ZNF34: variants seen among roughly 807,000 people sequenced by gnomAD.
ZNF34 encodes zinc finger protein 34 (KOX 32).
A neutral mutation model predicts 14.4 loss-of-function variants in ZNF34; 8 were observed. That is an observed-to-expected ratio of 0.55 (90% confidence interval 0.33 to 1.00). The LOEUF is 1.00. ZNF34 is among the 50% of genes least tolerant of loss of function. ZNF34 has a pLI of 0.03. For missense variants in ZNF34, 538 were observed against 674.2 expected, an observed-to-expected ratio of 0.80 and a Z score of 2.24; for synonymous variants, 235 against 247.9, an observed-to-expected ratio of 0.95 and a Z score of 0.49.
At chr8:144,775,139 G>A (rs1186891839) in intron 5 of ZNF34, among the ~76,000 whole-genome samples, 2 of 152,252 alleles carry the variant, frequency 1.3e-5, no homozygotes, top group East Asian at 1.9e-4. Context: ...CCTCATGACT[G>A]CCACTTTCAT....
Position 144,777,088 on chromosome 8 carries a change from ATAGCTCCATCAT to A in ZNF34, c.280+358_280+369del, listed in dbSNP as rs1825570348. ...ATTTAGAAGAGAGGGGAATTAAATG[ATAGCTCCATCAT>A]TAGGCCCTCATTATCTGGCATCAGC... On this transcript the variant is annotated intron_variant, in intron 5 of 5. Transcript: ENST00000429371. The surrounding 1 kb of genome is among the most constrained non-coding windows in gnomAD (Gnocchi z 4.8). 1.3e-5 allele frequency among the ~76,000 whole-genome samples: 2 copies of A among 151,922 alleles called. No individual in the cohort carries two copies. The highest frequency in any genetic ancestry group is 4.2e-4 in the South Asian group (2 of 4,800).
At position 144,773,680 on chromosome 8, in the gene ZNF34, T is replaced by C; in HGVS notation, c.1206A>G (p.Glu402=). 6.2e-7 allele frequency: 1 copy of C among 1,613,980 alleles called. No homozygotes were observed. Among genetic ancestry groups the C allele is most frequent in the Non-Finnish European group, 8.5e-7 (1 of 1,179,944 alleles). Residue 402 remains glutamate, a synonymous_variant, in exon 6 of 6, where the codon GAA becomes GAG. Transcript: ENST00000429371. The surrounding 1 kb of genome is among the most constrained non-coding windows in gnomAD (Gnocchi z 5.4). ...TTTTTTGAATGAAAGCTTTCTCACA[T>C]TCATTACATTTATAGGGTTTCTCTC... is the stretch of plus-strand genomic sequence containing the variant. The part of the protein sequence containing the change: ...HTGEKPYKCN[E]CEKAFIQKTK...
Position 144,773,787 on chromosome 8 carries a change from C to T in ZNF34, c.1099G>A (p.Glu367Lys). 6.2e-7 allele frequency: 1 copy of T among 1,614,130 alleles called. No individual in the cohort carries two copies. Among genetic ancestry groups the T allele is most frequent in the Non-Finnish European group, 8.5e-7 (1 of 1,179,980 alleles). ...CATTCCTTGCACTCAAATGGCTTCT[C>T]TCCGGTGTGAGTCCGACGATGTCGG... ...LIRHRRTHTG[E>K]KPFECKECGK... The change falls in exon 6 of 6, where the codon GAG becomes AAG. Residue 367 changes from glutamate to lysine, a missense_variant. Coordinates refer to ENST00000429371, the MANE Select transcript of ZNF34 (RefSeq NM_001286769.2). The surrounding 1 kb of genome is among the most constrained non-coding windows in gnomAD (Gnocchi z 5.4).
intron 5 of ZNF34, among the ~76,000 whole-genome samples, chr8:144,775,087 A>C (rs2130208634): frequency 6.6e-6 from 1 of 152,318 alleles, no homozygotes; most frequent in Non-Finnish European, 1.5e-5. Flanking sequence ...ACCATGAAGC[A>C]CTCAGCCCAG....
intron 5 of ZNF34, among the ~76,000 whole-genome samples, chr8:144,776,073 G>A (rs1379805776): frequency 2.0e-5 from 3 of 152,304 alleles, no homozygotes; most frequent in East Asian, 3.9e-4. Flanking sequence ...CAGCACTTTG[G>A]GAGGCCAAGG....
rs200970885 is a variant in ZNF34, at chr8:144,774,247, T to G, written c.639A>C (p.Ala213=). ...TCTGATCTTCTTTAACAACTAAGTTTGCACTGAAGATTTCCCCAGAGTTAC... is the reference window on the plus strand; with the variant it reads ...TCTGATCTTCTTTAACAACTAAGTTGGCACTGAAGATTTCCCCAGAGTTAC... ...TVRNSGEIFS[A]NLVVKEDQKI... Residue 213 remains alanine (A), a synonymous_variant, in exon 6 of 6, where the codon GCA becomes GCC. Coordinates refer to ENST00000429371, the MANE Select transcript of ZNF34 (RefSeq NM_001286769.2). 4 of 1,614,042 alleles carry G rather than the reference T, an allele frequency of 2.5e-6. No homozygotes were observed. The highest frequency in any genetic ancestry group is 1.6e-4 in the Middle Eastern group (1 of 6,062).
At position 144,777,695 on chromosome 8, in the gene ZNF34, G is replaced by C; in HGVS notation, c.161-118C>G. The C allele has an allele frequency of 7.9e-7, 1 of 1,270,230 alleles. No individual in the cohort carries two copies. Among genetic ancestry groups the C allele is most frequent in the Non-Finnish European group, 1.1e-6 (1 of 927,890 alleles). The allele number at this position is 1,270,230 out of a possible 1,614,324, so 78.7% of individuals were successfully genotyped here. Reference sequence around the variant, plus strand: ...AGGCAGAGGGGGTGATGGAAGCCTGGACACTCTCTGGAGGGCACTGAGATT... The same window carrying C: ...AGGCAGAGGGGGTGATGGAAGCCTGCACACTCTCTGGAGGGCACTGAGATT... On this transcript the variant is annotated intron_variant, in intron 4 of 5. Coordinates refer to ENST00000429371, the MANE Select transcript of ZNF34 (RefSeq NM_001286769.2). The surrounding 1 kb of genome is among the most constrained non-coding windows in gnomAD (Gnocchi z 4.8).
chr8:144,785,404 C>T (rs1826166980), intron 1 of ZNF34: 1 of 152,146 alleles, frequency 6.6e-6, no homozygotes. Context: ...GGTGTCCCCA[C>T]TAAGTTCGGC....
In ZNF34 at chr8:144,777,648, G is replaced by A; in HGVS notation, c.161-71C>T. The stretch of plus-strand genomic sequence containing the variant: ...AGCACCTAGTGCTGTCTCACCCTGG[G>A]GCTGCAGGGTAAGGGAGGCACAGGC... On this transcript the variant is annotated intron_variant, in intron 4 of 5. Coordinates refer to ENST00000429371, the MANE Select transcript of ZNF34 (RefSeq NM_001286769.2). The surrounding 1 kb of genome is among the most constrained non-coding windows in gnomAD (Gnocchi z 4.8). 2 of 1,516,770 alleles carry A rather than the reference G, an allele frequency of 1.3e-6. No individual in the cohort carries two copies. The highest frequency in any genetic ancestry group is 8.9e-7 in the Non-Finnish European group (1 of 1,126,074). 94.0% of individuals were successfully genotyped at this position (1,516,770 alleles called of 1,614,324 possible).
chr8:144,782,994 T>A, intron 1 of ZNF34, among the ~76,000 whole-genome samples: 1 of 137,678 alleles, frequency 7.3e-6, no homozygotes, highest in African/African-American at 3.4e-5. Flanking sequence ...CCATTTTAAA[T>A]AGATTAAAAA....
intron 5 of ZNF34, 46 bp from the exon 6 acceptor site, chr8:144,774,651 G>T: frequency 6.4e-7 from 1 of 1,555,198 alleles, no homozygotes; most frequent in South Asian, 1.2e-5. Flanking sequence ...CTCTGACTCT[G>T]GAAGGTAGGC....
At chr8:144,776,418 A>G (rs527613519) in intron 5 of ZNF34, among the ~76,000 whole-genome samples, 3 of 147,850 alleles carry the variant, frequency 2.0e-5, no homozygotes, top group Admixed American at 6.7e-5. Context: ...TGGTCAACAC[A>G]GTGAAACCCT....
At chr8:144,775,561 G>A (rs1472292299) in intron 5 of ZNF34, among the ~76,000 whole-genome samples, 1 of 152,174 alleles carries the variant, frequency 6.6e-6, no homozygotes, top group Non-Finnish European at 1.5e-5. Flanking sequence ...GCTACTCCAT[G>A]AAACACAAGC....
Position 144,780,210 on chromosome 8 carries a change from A to C in ZNF34, c.-55+18T>G. On this transcript the variant is annotated intron_variant, in intron 2 of 5. Transcript: ENST00000429371. ...AAACCCTGTCTCAAAATAAATAAGT[A>C]AAATAAGATTGACTCACCTACCAGA... 1 of 1,539,916 alleles carries C rather than the reference A, an allele frequency of 6.5e-7. No homozygotes were observed. The highest frequency in any genetic ancestry group is 8.8e-7 in the Non-Finnish European group (1 of 1,136,966).
chr8:144,774,150 C>A lies in ZNF34; in HGVS notation c.736G>T (p.Val246Phe). Residue 246 changes from valine to phenylalanine, a missense_variant, in exon 6 of 6, where the codon GTC (valine) becomes TTC (phenylalanine). Coordinates refer to ENST00000429371, the MANE Select transcript of ZNF34 (RefSeq NM_001286769.2). ...TCAGTGTGAAGCCGCTGATGCTTGA[C>A]AAGGTTGGCACTGTACCTGAATGTT... ...GKTFRYSANL[V>F]KHQRLHTEEK... 1 of 1,614,044 alleles carries A rather than the reference C, an allele frequency of 6.2e-7. No individual in the cohort carries two copies. Among genetic ancestry groups the A allele is most frequent in the Non-Finnish European group, 8.5e-7 (1 of 1,179,926 alleles).
At chr8:144,783,312 T>C (rs1311153349) in intron 1 of ZNF34, among the ~76,000 whole-genome samples, 3 of 152,144 alleles carry the variant, frequency 2.0e-5, no homozygotes, top group Admixed American at 6.6e-5. Flanking sequence ...GCACTTGTAG[T>C]AGATTCAGTG....
Position 144,777,344 on chromosome 8 carries a change from G to C in ZNF34, c.280+114C>G. The C allele has an allele frequency of 5.7e-6, 8 of 1,414,656 alleles. No homozygotes were observed. Among genetic ancestry groups the C allele is most frequent in the Non-Finnish European group, 7.6e-6 (8 of 1,059,418 alleles). The allele number at this position is 1,414,656 out of a possible 1,614,324, so 87.6% of individuals were successfully genotyped here. A position where few individuals can be genotyped will look rare whatever the true frequency, so the allele number is the denominator to read the frequency against. On this transcript the variant is annotated intron_variant, in intron 5 of 5. Coordinates refer to ENST00000429371, the MANE Select transcript of ZNF34 (RefSeq NM_001286769.2). The surrounding 1 kb of genome is among the most constrained non-coding windows in gnomAD (Gnocchi z 4.8). ...AGCAAAGGCCACTGTCAGGCCTCCT[G>C]TGCTAGCCCCGATGAATCTGGCCCA...
In ZNF34 at chr8:144,772,513, T is replaced by C. The variant is rs1041006204; in HGVS notation, c.*753A>G. 6.6e-6 allele frequency among the ~76,000 whole-genome samples: 1 copy of C among 152,244 alleles called. No individual in the cohort carries two copies. The highest frequency in any genetic ancestry group is 6.5e-5 in the Admixed American group (1 of 15,272). The stretch of plus-strand genomic sequence containing the variant: ...ACAGTTAAAGGCAACTTCAACTCTA[T>C]TGACATAAAAAGTATGAATGTTAAG... On this transcript the variant is annotated 3_prime_UTR_variant, in exon 6 of 6. Coordinates refer to ENST00000429371, the MANE Select transcript of ZNF34 (RefSeq NM_001286769.2).
chr8:144,776,071 T>C (rs1328584493), intron 5 of ZNF34, among the ~76,000 whole-genome samples: 11 of 152,222 alleles, frequency 7.2e-5, no homozygotes, highest in African/African-American at 2.7e-4. Context: ...CCCAGCACTT[T>C]GGGAGGCCAA....
Sources: gnomAD v4.1 joint callset for allele counts (sites outside exome capture counted in the v4.1 genomes callset) on GRCh38, gnomAD v4.1.1 for gene constraint, Gnocchi (gnomAD v3.1) non-coding constraint, MANE v1.5 for transcripts, NCBI Gene and HGNC (gene_info 2026-07-23, HGNC 2026-07-21) for gene names.